GNAL: variants seen among roughly 807,000 people sequenced by gnomAD.
GNAL encodes the protein guanine nucleotide-binding protein G(olf) subunit alpha.
Under a neutral mutation model 55.1 loss-of-function variants are expected in GNAL, and 18 were observed. The ratio of observed to expected loss-of-function variants is 0.33; its 90% confidence interval spans 0.23 to 0.48. The LOEUF (loss-of-function observed/expected upper bound fraction) is 0.48. GNAL is among the 20% of genes least tolerant of loss of function. The pLI is 0.99. For missense variants in GNAL, 412 were observed against 614.1 expected (o/e 0.67, Z 3.48); for synonymous variants, 253 against 237.0 (o/e 1.07, Z -0.62).
chr18:11,851,874 G>A, intron 5 of GNAL: 6 of 1,613,926 alleles, frequency 3.7e-6, no homozygotes, highest in Non-Finnish European at 5.1e-6. Flanking sequence ...TCGAGCACCA[G>A]TTTGAGACTC....
chr18:11,852,237 G>A, intron 5 of GNAL: 1 of 1,184,070 alleles, frequency 8.4e-7, no homozygotes. Flanking sequence ...TTCTACCTTT[G>A]GGTTTACAGC....
chr18:11,782,879 G>A (rs536977032), intron 4 of GNAL, among the ~76,000 whole-genome samples: 38 of 152,292 alleles, frequency 2.5e-4, no homozygotes, highest in African/African-American at 8.2e-4. Flanking sequence ...TGAGCATAAT[G>A]CATGATAAAG....
intron 4 of GNAL, chr18:11,811,570 A>G (rs1448542583): frequency 1.3e-5 from 2 of 152,252 alleles, no homozygotes; most frequent in Admixed American, 6.5e-5. Context: ...ACCAAAATCT[A>G]TGCTCAAATT....
chr18:11,828,121 A>G (rs972482919), intron 5 of GNAL, among the ~76,000 whole-genome samples: 5 of 152,184 alleles, frequency 3.3e-5, no homozygotes, highest in Admixed American at 1.3e-4. Flanking sequence ...AAAGGCTCTC[A>G]GGGGAACTCC....
rs2036728750 is a variant in GNAL, at chr18:11,882,652, C to T, written c.*1517C>T. 7.0e-6 allele frequency: 1 copy of T among 142,356 alleles called. No homozygotes were observed. The highest frequency in any genetic ancestry group is 1.5e-5 in the Non-Finnish European group (1 of 66,718). 8.8% of individuals were successfully genotyped at this position (142,356 alleles called of 1,614,324 possible). A position where few individuals can be genotyped will look rare whatever the true frequency, so the allele number is the denominator to read the frequency against. ...AGTGAGCCGAGGTCGTGCCATCGCA[C>T]TCCAGCCTGGACATCAAAGTGAGAC... On this transcript the variant is annotated 3_prime_UTR_variant, in exon 12 of 12. Coordinates refer to ENST00000334049, the MANE Select transcript of GNAL (RefSeq NM_182978.4).
intron 1 of GNAL, among the ~76,000 whole-genome samples, chr18:11,718,304 C>T (rs989031561): frequency 3.3e-5 from 5 of 151,898 alleles, no homozygotes; most frequent in South Asian, 4.1e-4. Context: ...GAAAAATGAC[C>T]GGCATTTATC....
chr18:11,814,731 T>C (rs2034908782), intron 4 of GNAL, among the ~76,000 whole-genome samples: 1 of 151,496 alleles, frequency 6.6e-6, no homozygotes, highest in Admixed American at 6.6e-5. Flanking sequence ...ACGCTGTCTA[T>C]ACTAAAAATA....
intron 4 of GNAL, among the ~76,000 whole-genome samples, chr18:11,811,083 G>A (rs7239927): frequency 0.059 from 8,923 of 152,150 alleles, 413 homozygotes; most frequent in African/African-American, 0.12. Context: ...ACCATGTGTT[G>A]CTCCCCTGCC....
intron 1 of GNAL, among the ~76,000 whole-genome samples, chr18:11,718,464 TG>T (rs2143393712): frequency 6.6e-6 from 1 of 152,304 alleles, no homozygotes; most frequent in Admixed American, 6.5e-5. Context: ...GGTAATATAA[TG>T]CACCGTTTAT....
At chr18:11,746,422 C>T in intron 1 of GNAL, 1 of 257,138 alleles carries the variant, frequency 3.9e-6, no homozygotes. Context: ...CCAGCTTGGG[C>T]AACATAGCAA....
Position 11,689,652 on chromosome 18 carries a change from C to G in GNAL, c.89C>G (p.Ala30Gly), listed in dbSNP as rs1017206708. Residue 30 changes from alanine to glycine, a missense_variant, in exon 1 of 12, where the codon GCG becomes GGG. Physicochemically the swap from Ala to Gly is moderately conservative, Grantham distance 60. Coordinates refer to ENST00000334049, the MANE Select transcript of GNAL (RefSeq NM_182978.4). Reference sequence around the variant, plus strand: ...GCCTCGGAGCCGCCGGTGGAGGACGCGCAGCCCGCCCCGGCCCCGGCCCTG... The same window carrying G: ...GCCTCGGAGCCGCCGGTGGAGGACGGGCAGCCCGCCCCGGCCCCGGCCCTG... The part of the protein sequence containing the change: ...CAASEPPVED[A>G]QPAPAPALAP... The G allele has an allele frequency of 2.9e-6, 4 of 1,400,340 alleles. No individual in the cohort carries two copies. Among genetic ancestry groups the G allele is most frequent in the Non-Finnish European group, 3.7e-6 (4 of 1,084,946 alleles). The allele number at this position is 1,400,340 out of a possible 1,614,324, so 86.7% of individuals were successfully genotyped here. A position where few individuals can be genotyped will look rare whatever the true frequency, so the allele number is the denominator to read the frequency against.
chr18:11,861,846 C>T (rs1456938837), intron 5 of GNAL, among the ~76,000 whole-genome samples: 3 of 152,142 alleles, frequency 2.0e-5, no homozygotes, highest in South Asian at 2.1e-4. Flanking sequence ...CGTTCTCGCT[C>T]TCGCACACTT....
At chr18:11,857,269 G>A (rs1487369056) in intron 5 of GNAL, 1 of 153,116 alleles carries the variant, frequency 6.5e-6, no homozygotes, top group African/African-American at 2.4e-5. Flanking sequence ...AACAGTAAGT[G>A]CCGGAGGAAA....
At chr18:11,718,530 C>G (rs1277382946) in intron 1 of GNAL, among the ~76,000 whole-genome samples, 1 of 152,120 alleles carries the variant, frequency 6.6e-6, no homozygotes, top group Admixed American at 6.6e-5. Flanking sequence ...TGAAAGACCT[C>G]TCAACATCCT....
chr18:11,826,962 A>G (rs1354894749), intron 5 of GNAL, among the ~76,000 whole-genome samples: 1 of 152,156 alleles, frequency 6.6e-6, no homozygotes, highest in African/African-American at 2.4e-5. Flanking sequence ...GGCCTGAGAA[A>G]GTTCAGCTTC....
In GNAL at chr18:11,881,756, T is replaced by C. The variant is rs1488708784; in HGVS notation, c.*621T>C. ...ATTCACTACTGCAAAATGTGTCCTG[T>C]CTAAAAATGATTCTCTAAACTTTCC... is the stretch of plus-strand genomic sequence containing the variant. On this transcript the variant is annotated 3_prime_UTR_variant, in exon 12 of 12. Transcript: ENST00000334049. This position sits in a 1 kb window ranked among gnomAD's most constrained non-coding sequence, Gnocchi z 4.8. 1.3e-5 allele frequency: 2 copies of C among 152,606 alleles called. No individual in the cohort carries two copies. The highest frequency in any genetic ancestry group is 4.8e-5 in the African/African-American group (2 of 41,466). The allele number at this position is 152,606 out of a possible 1,614,324, so 9.5% of individuals were successfully genotyped here.
At position 11,885,150 on chromosome 18, in the gene GNAL, T is replaced by A; in HGVS notation, c.*4015T>A. On this transcript the variant is annotated 3_prime_UTR_variant, in exon 12 of 12. Coordinates refer to ENST00000334049, the MANE Select transcript of GNAL (RefSeq NM_182978.4). ...TCATTTACTTTGAATTTGAAAATGT[T>A]AGGGTTTCCTCCACCTTTTTATGAA... 1 of 875,496 alleles carries A rather than the reference T, an allele frequency of 1.1e-6. No individual in the cohort carries two copies. The highest frequency in any genetic ancestry group is 1.5e-6 in the Non-Finnish European group (1 of 657,442). The allele number at this position is 875,496 out of a possible 1,614,324, so 54.2% of individuals were successfully genotyped here. A position where few individuals can be genotyped will look rare whatever the true frequency, so the allele number is the denominator to read the frequency against.
intron 5 of GNAL, among the ~76,000 whole-genome samples, chr18:11,859,610 C>T (rs192495358): frequency 4.5e-4 from 68 of 152,348 alleles, no homozygotes; most frequent in Admixed American, 1.0e-3. Context: ...AACTCACCAA[C>T]CTTCTGGTGC....
At chr18:11,796,997 C>G (rs146400665) in intron 4 of GNAL, among the ~76,000 whole-genome samples, 2,338 of 152,316 alleles carry the variant, frequency 0.015, 58 homozygotes, top group African/African-American at 0.053. Context: ...CTGTGCCACC[C>G]AGGCTGGAGT....
Sources: gnomAD v4.1 joint callset for allele counts (sites outside exome capture counted in the v4.1 genomes callset) on GRCh38, gnomAD v4.1.1 for gene constraint, Gnocchi (gnomAD v3.1) non-coding constraint, MANE v1.5 for transcripts, NCBI Gene and HGNC (gene_info 2026-07-23, HGNC 2026-07-21) for gene names.